Variants in MAP2K1 observed in about 807,000 individuals in gnomAD.
MAP2K1 encodes mitogen-activated protein kinase kinase 1.
MAP2K1 carries 16 observed loss-of-function variants against 46.3 expected under a neutral mutation model. The observed-to-expected ratio is 0.35, with a 90% CI of 0.23 to 0.52. MAP2K1 has a LOEUF of 0.52. Among genes scored for constraint, MAP2K1 ranks in the 20% least tolerant of loss-of-function variants. MAP2K1 has a pLI of 0.94. For missense variants in MAP2K1, 263 were observed against 497.1 expected (o/e 0.53, Z 4.48); for synonymous variants, 183 against 185.6 (o/e 0.99, Z 0.11).
chr15:66,482,009 C>A, intron 6 of MAP2K1, 130 bp downstream of exon 6: 3 of 1,155,874 alleles, frequency 2.6e-6, no homozygotes, highest in Non-Finnish European at 2.5e-6. Context: ...AGGCACAGTG[C>A]TCTGCCCTGA....
At chr15:66,416,293 T>A (rs2093424365) in intron 1 of MAP2K1, among the ~76,000 whole-genome samples, 3 of 151,796 alleles carry the variant, frequency 2.0e-5, no homozygotes, top group African/African-American at 7.3e-5. Flanking sequence ...TTGCTGTACT[T>A]CTTCTTAGTA....
chr15:66,460,076 C>T (rs568055615), intron 5 of MAP2K1, among the ~76,000 whole-genome samples: 17 of 152,192 alleles, frequency 1.1e-4, no homozygotes, highest in Non-Finnish European at 2.4e-4. Context: ...GTGCTCCTGG[C>T]TACATCTCTC....
At chr15:66,412,461 T>G (rs757249059) in intron 1 of MAP2K1, among the ~76,000 whole-genome samples, 2 of 152,222 alleles carry the variant, frequency 1.3e-5, no homozygotes, top group Non-Finnish European at 2.9e-5. Context: ...GGACAGCTCT[T>G]CTAGTCAAGG....
At chr15:66,428,522 A>G (rs960127245) in intron 1 of MAP2K1, among the ~76,000 whole-genome samples, 1 of 152,016 alleles carries the variant, frequency 6.6e-6, no homozygotes, top group African/African-American at 2.4e-5. Flanking sequence ...AAGGTTTTCA[A>G]CTGATTGGCT....
intron 1 of MAP2K1, among the ~76,000 whole-genome samples, chr15:66,426,814 T>G (rs537361164): frequency 6.6e-6 from 1 of 152,330 alleles, no homozygotes; most frequent in South Asian, 2.1e-4. Context: ...AACTTTAAAG[T>G]TTTGTCCAGT....
chr15:66,419,570 C>G (rs2093432663), intron 1 of MAP2K1, among the ~76,000 whole-genome samples: 1 of 151,848 alleles, frequency 6.6e-6, no homozygotes, highest in Non-Finnish European at 1.5e-5. Flanking sequence ...ATTTTATATA[C>G]TGGGACAGAA....
At chr15:66,446,470 A>C in intron 5 of MAP2K1, 1 of 172,378 alleles carries the variant, frequency 5.8e-6, no homozygotes, top group Non-Finnish European at 1.3e-5. Context: ...TGAGGGGTAC[A>C]GCATCACTTG....
Position 66,387,441 on chromosome 15 carries a change from G to T in MAP2K1, c.80+14G>T. 6.4e-7 allele frequency: 1 copy of T among 1,552,770 alleles called. No homozygotes were observed. The highest frequency in any genetic ancestry group is 1.2e-5 in the South Asian group (1 of 84,182). On this transcript the variant is annotated intron_variant, in intron 1 of 10. Transcript: ENST00000307102. Reference sequence around the variant, plus strand: ...CAGCTCTGCGGAGTAAGTATGGGGCGGGCGGTGAACCTCGGGGCCCGGCTG... The same window carrying T: ...CAGCTCTGCGGAGTAAGTATGGGGCTGGCGGTGAACCTCGGGGCCCGGCTG...
intron 10 of MAP2K1, chr15:66,490,167 A>G: frequency 1.9e-6 from 1 of 515,104 alleles, no homozygotes; most frequent in Admixed American, 3.2e-5. Context: ...CTGGACAGCC[A>G]TAGACGGTGT....
chr15:66,447,462 G>A (rs904883442), intron 5 of MAP2K1, among the ~76,000 whole-genome samples: 11 of 151,780 alleles, frequency 7.2e-5, no homozygotes, highest in Non-Finnish European at 1.2e-4. Flanking sequence ...AGGCCGAGGC[G>A]GGCGGATCAC....
chr15:66,421,426 C>G (rs1239633482), intron 1 of MAP2K1, among the ~76,000 whole-genome samples: 1 of 151,800 alleles, frequency 6.6e-6, no homozygotes, highest in Non-Finnish European at 1.5e-5. Flanking sequence ...GCCACCTTGC[C>G]TGGCCTGGCT....
intron 10 of MAP2K1, chr15:66,490,016 G>GC (rs1893192647): frequency 5.1e-6 from 3 of 590,234 alleles, no homozygotes; most frequent in Non-Finnish European, 9.0e-6. Flanking sequence ...GAAAGAAAAG[G>GC]CCAGCCCACC....
chr15:66,491,017 C>CT lies in MAP2K1; in HGVS notation c.*405dup. 2.4e-6 allele frequency: 1 copy of CT among 423,072 alleles called. No homozygotes were observed. Among genetic ancestry groups the CT allele is most frequent in the Non-Finnish European group, 4.4e-6 (1 of 226,900 alleles). 26.2% of individuals were successfully genotyped at this position (423,072 alleles called of 1,614,324 possible). On this transcript the variant is annotated 3_prime_UTR_variant, in exon 11 of 11. Transcript: ENST00000307102. ...TGGTACTTTATTCTTGCTGGGCATA[C>CT]TTTCTCTCTAGGAGGGAGCCTTGTG...
At chr15:66,462,634 A>G (rs1196485178) in intron 5 of MAP2K1, among the ~76,000 whole-genome samples, 2 of 151,882 alleles carry the variant, frequency 1.3e-5, no homozygotes, top group African/African-American at 4.8e-5. Context: ...AGAAAATAGC[A>G]TATGTACTGA....
intron 1 of MAP2K1, among the ~76,000 whole-genome samples, chr15:66,420,781 ATATATATGTGTG>A (rs1451304514): frequency 0.017 from 653 of 38,450 alleles, 94 homozygotes; most frequent in Middle Eastern, 0.05. Flanking sequence ...ATATATGTGT[ATATATATGTGTG>A]TATATATATG....
intron 5 of MAP2K1, among the ~76,000 whole-genome samples, chr15:66,449,003 CAAAAAAA>C (rs59398424): frequency 2.1e-5 from 1 of 47,950 alleles, no homozygotes; most frequent in African/African-American, 8.8e-5. Flanking sequence ...GACACTGTCT[CAAAAAAA>C]AAAAAAAAAA....
chr15:66,400,574 C>G (rs2093379040), intron 1 of MAP2K1, among the ~76,000 whole-genome samples: 1 of 152,172 alleles, frequency 6.6e-6, no homozygotes, highest in Non-Finnish European at 1.5e-5. Context: ...TCGTCCTGGT[C>G]TCTTGCTGCA....
chr15:66,480,906 T>C (rs1892898240), intron 5 of MAP2K1, among the ~76,000 whole-genome samples: 2 of 152,220 alleles, frequency 1.3e-5, no homozygotes, highest in Admixed American at 6.5e-5. Flanking sequence ...CCCTGGTCTA[T>C]GCACATTACA....
chr15:66,476,164 T>C (rs1892750577), intron 5 of MAP2K1, among the ~76,000 whole-genome samples: 1 of 152,124 alleles, frequency 6.6e-6, no homozygotes, highest in Non-Finnish European at 1.5e-5. Context: ...CAGCCTCCTG[T>C]GGGATTCCTA....
Sources: allele counts gnomAD v4.1 joint callset (sites outside exome capture counted in the v4.1 genomes callset), GRCh38; gene constraint gnomAD v4.1.1; transcripts MANE v1.5; gene names NCBI Gene and HGNC (gene_info 2026-07-23, HGNC 2026-07-21).